Variants in MYO5B observed in about 807,000 individuals in gnomAD.
MYO5B encodes myosin VB, also known as unconventional myosin-Vb.
In MYO5B, 143 loss-of-function variants were observed where a neutral mutation model predicts 229.3. That is an observed-to-expected ratio of 0.62 (90% CI 0.54 to 0.72). The LOEUF (loss-of-function observed/expected upper bound fraction) is 0.72, where lower values mean the gene tolerates loss of function less well. Among genes scored for constraint, MYO5B ranks in the 30% least tolerant of loss-of-function variants. The probability of loss-of-function intolerance (pLI) is 0.00; values close to 1 mark genes in which losing one functional copy is unlikely to be tolerated. For synonymous variants in MYO5B, 918 were observed against 885.2 expected, an observed-to-expected ratio of 1.04 and a Z score of -0.66; for missense variants, 2,321 against 2,331.0, an observed-to-expected ratio of 1.00 and a Z score of 0.09.
rs142167670 is a variant in MYO5B, at chr18:49,957,857, C to A, written c.1546-3422G>T. ...CTCTCAAATCACTGTACCATAAATA[C>A]CTCTGGATCCCCAGCCTCTTTAAGG... On this transcript the variant is annotated intron_variant, in intron 12 of 39. Coordinates refer to ENST00000285039, the MANE Select transcript of MYO5B (RefSeq NM_001080467.3). Among the ~76,000 whole-genome samples, 42 of 152,118 alleles carry A rather than the reference C, an allele frequency of 2.8e-4. No individual in the cohort carries two copies. The East Asian group carries it at 7.8e-3, about 28-fold the overall frequency.
chr18:50,162,014 G>C (rs1436353299), intron 1 of MYO5B, among the ~76,000 whole-genome samples: 2 of 152,244 alleles, frequency 1.3e-5, no homozygotes, highest in African/African-American at 4.8e-5. Flanking sequence ...TGGTTACATA[G>C]GTACCTGCGT....
At chr18:50,182,769 A>G (rs1327537597) in intron 1 of MYO5B, among the ~76,000 whole-genome samples, 3 of 152,240 alleles carry the variant, frequency 2.0e-5, no homozygotes, top group Non-Finnish European at 4.4e-5. Context: ...GTAATGTTAC[A>G]GTCAAGGAAG....
chr18:50,097,824 C>T (rs900741717), intron 1 of MYO5B, among the ~76,000 whole-genome samples: 8 of 152,192 alleles, frequency 5.3e-5, no homozygotes, highest in Non-Finnish European at 1.5e-5. Flanking sequence ...CCACTGCCAA[C>T]AAGGAAATGA....
Position 49,931,627 on chromosome 18 carries a change from G to A in MYO5B, c.2004-2029C>T, listed in dbSNP as rs117388318. 9.2e-5 allele frequency among the ~76,000 whole-genome samples: 14 copies of A among 152,288 alleles called. No individual in the cohort carries two copies. The East Asian group carries it at 2.7e-3, about 29-fold the overall frequency. Reference sequence around the variant, plus strand: ...TCTCACTCCAATGCCTCCTGTGGTTGCTCGGCCACAAGAGGAAGCACAGTT... The same window carrying A: ...TCTCACTCCAATGCCTCCTGTGGTTACTCGGCCACAAGAGGAAGCACAGTT... On this transcript the variant is annotated intron_variant, in intron 16 of 39. Coordinates refer to ENST00000285039, the MANE Select transcript of MYO5B (RefSeq NM_001080467.3).
At chr18:49,966,047 T>C (rs113632742) in intron 10 of MYO5B, among the ~76,000 whole-genome samples, 1,556 of 152,226 alleles carry the variant, frequency 0.01, 22 homozygotes, top group African/African-American at 0.036. Context: ...GAGAGAAATG[T>C]TGCAGCTGGC....
chr18:50,129,555 C>A (rs1423874747), intron 1 of MYO5B, among the ~76,000 whole-genome samples: 1 of 152,152 alleles, frequency 6.6e-6, no homozygotes, highest in Non-Finnish European at 1.5e-5. Flanking sequence ...GACACCTCAC[C>A]ATACGCCAGC....
intron 4 of MYO5B, among the ~76,000 whole-genome samples, chr18:50,011,467 C>G (rs889305088): frequency 2.0e-5 from 3 of 152,128 alleles, no homozygotes; most frequent in Non-Finnish European, 4.4e-5. Flanking sequence ...GCTCAACTGC[C>G]CACTGGACAA....
At chr18:50,019,930 C>T (rs905244201) in intron 4 of MYO5B, among the ~76,000 whole-genome samples, 1 of 152,156 alleles carries the variant, frequency 6.6e-6, no homozygotes. Flanking sequence ...TTCAAGCTAA[C>T]CTGGGTGAGA....
At chr18:50,039,423 C>T (rs2029936759) in intron 3 of MYO5B, among the ~76,000 whole-genome samples, 1 of 152,200 alleles carries the variant, frequency 6.6e-6, no homozygotes, top group South Asian at 2.1e-4. Flanking sequence ...GCTCCGACTC[C>T]CCGGTTCAAG....
At chr18:49,828,598 G>A (rs888645191) in intron 39 of MYO5B, among the ~76,000 whole-genome samples, 3 of 152,020 alleles carry the variant, frequency 2.0e-5, no homozygotes, top group Admixed American at 2.0e-4. Context: ...AACACATATG[G>A]AACACCCCAC....
At chr18:50,098,105 C>G (rs1328064128) in intron 1 of MYO5B, among the ~76,000 whole-genome samples, 1 of 152,170 alleles carries the variant, frequency 6.6e-6, no homozygotes, top group African/African-American at 2.4e-5. Flanking sequence ...AAAGAATTCC[C>G]TTCGAAATAA....
intron 4 of MYO5B, among the ~76,000 whole-genome samples, chr18:50,027,981 C>T (rs1244377685): frequency 2.6e-5 from 4 of 152,072 alleles, no homozygotes; most frequent in South Asian, 4.2e-4. Flanking sequence ...TCTGAATTTA[C>T]ACTGACAGAA....
At chr18:50,155,345 T>G (rs1224645095) in intron 1 of MYO5B, among the ~76,000 whole-genome samples, 1 of 151,982 alleles carries the variant, frequency 6.6e-6, no homozygotes, top group East Asian at 1.9e-4. Context: ...TATTCTACTA[T>G]CATCTTTTAA....
rs113393261 is a variant in MYO5B at position 49,926,763 on chromosome 18, A to G, written c.2090+2749T>C. On this transcript the variant is annotated intron_variant, in intron 17 of 39. Coordinates refer to ENST00000285039, the MANE Select transcript of MYO5B (RefSeq NM_001080467.3). Reference sequence around the variant, plus strand: ...CACCACAGATTTCATTCTATATTCAAAAGTTAAAGGAGTCTATTGAGGAAT... The same window carrying G: ...CACCACAGATTTCATTCTATATTCAGAAGTTAAAGGAGTCTATTGAGGAAT... 5.3e-3 allele frequency among the ~76,000 whole-genome samples: 814 copies of G among 152,330 alleles called. 9 individuals carry two copies. The highest frequency in any genetic ancestry group is 0.017 in the African/African-American group (709 of 41,584).
intron 2 of MYO5B, among the ~76,000 whole-genome samples, chr18:50,049,925 C>T (rs886557425): frequency 6.6e-6 from 1 of 152,146 alleles, no homozygotes; most frequent in African/African-American, 2.4e-5. Flanking sequence ...ATACTTAATG[C>T]CACTGAACTG....
At chr18:50,189,515 A>C (rs2033199272) in intron 1 of MYO5B, among the ~76,000 whole-genome samples, 1 of 152,222 alleles carries the variant, frequency 6.6e-6, no homozygotes, top group Non-Finnish European at 1.5e-5. Context: ...CTCCCTATGC[A>C]CACAGGCAAA....
chr18:50,102,047 C>G (rs2031665245), intron 1 of MYO5B, among the ~76,000 whole-genome samples: 1 of 152,166 alleles, frequency 6.6e-6, no homozygotes, highest in South Asian at 2.1e-4. Context: ...GAATACTATG[C>G]AGCCATAAAA....
chr18:49,988,695 A>G (rs374453874), intron 7 of MYO5B, among the ~76,000 whole-genome samples: 2 of 152,298 alleles, frequency 1.3e-5, no homozygotes, highest in East Asian at 3.9e-4. Flanking sequence ...AAGCCCTGCT[A>G]GGCCTATGTT....
At chr18:49,924,343 C>A (rs1028383880) in intron 17 of MYO5B, among the ~76,000 whole-genome samples, 3 of 152,200 alleles carry the variant, frequency 2.0e-5, no homozygotes, top group African/African-American at 4.8e-5. Context: ...TTCCTTACAA[C>A]AACCTACCAA....
Sources: allele counts gnomAD v4.1 joint callset (sites outside exome capture counted in the v4.1 genomes callset), GRCh38; gene constraint gnomAD v4.1.1; transcripts MANE v1.5; gene names NCBI Gene and HGNC (gene_info 2026-07-23, HGNC 2026-07-21).